Variants in NUP58 observed in about 807,000 individuals in gnomAD.
NUP58 encodes nucleoporin p58/p45.
In NUP58, 17 loss-of-function variants were observed where a neutral mutation model predicts 70.1. That is an observed-to-expected ratio of 0.24 (90% CI 0.17 to 0.36). NUP58 has a LOEUF of 0.36. Ranked by LOEUF, NUP58 falls within the 10% of genes least tolerant of loss-of-function variation. The probability of loss-of-function intolerance (pLI) is 1.00; values close to 1 mark genes in which losing one functional copy is unlikely to be tolerated. For synonymous variants in NUP58, 275 were observed against 257.6 expected (o/e 1.07, Z -0.65); for missense variants, 644 against 701.5 (o/e 0.92, Z 0.93).
chr13:25,323,667 T>C (rs919372128), intron 9 of NUP58, among the ~76,000 whole-genome samples: 1 of 152,196 alleles, frequency 6.6e-6, no homozygotes, highest in East Asian at 1.9e-4. Context: ...CAGATTCTTA[T>C]GGAAGACAAA....
In NUP58 at chr13:25,336,973, A is replaced by G. The variant is rs142503103; in HGVS notation, c.1473A>G (p.Pro491=). 3.1e-6 allele frequency: 5 copies of G among 1,605,980 alleles called. No homozygotes were observed. Among genetic ancestry groups the G allele is most frequent in the Non-Finnish European group, 4.2e-6 (5 of 1,177,980 alleles). Residue 491 remains proline (P), a synonymous_variant, in exon 14 of 16, where the codon CCA becomes CCG. Coordinates refer to ENST00000381736, the MANE Select transcript of NUP58 (RefSeq NM_014089.4). The part of the protein sequence containing the change: ...QPSLGVSFGT[P]FGSGIGTGLQ... ...CTCTGGGAGTTAGTTTTGGAACGCCATTCGGCTCAGGTATTGGCACTGGCT... is the reference window on the plus strand; with the variant it reads ...CTCTGGGAGTTAGTTTTGGAACGCCGTTCGGCTCAGGTATTGGCACTGGCT...
Position 25,340,235 on chromosome 13 carries a change from T to A in NUP58, c.*101T>A. 1 of 1,151,794 alleles carries A rather than the reference T, an allele frequency of 8.7e-7. No homozygotes were observed. Among genetic ancestry groups the A allele is most frequent in the Non-Finnish European group, 1.2e-6 (1 of 861,406 alleles). The allele number at this position is 1,151,794 out of a possible 1,614,324, so 71.3% of individuals were successfully genotyped here. A position where few individuals can be genotyped will look rare whatever the true frequency, so the allele number is the denominator to read the frequency against. ...ATTAAATTGCATCCCAGGAGATTTA[T>A]AAAGTTTTGATATTTTTCCCTACTC... On this transcript the variant is annotated 3_prime_UTR_variant, in exon 16 of 16. Coordinates refer to ENST00000381736, the MANE Select transcript of NUP58 (RefSeq NM_014089.4).
chr13:25,336,380 C>T (rs528739012), intron 13 of NUP58: 67 of 759,374 alleles, frequency 8.8e-5, no homozygotes, highest in Non-Finnish European at 1.2e-4. Flanking sequence ...TTGTATATAT[C>T]ATTTATATTT....
intron 4 of NUP58, among the ~76,000 whole-genome samples, 197 bp downstream of exon 4, chr13:25,313,229 A>G (rs927254313): frequency 6.6e-6 from 1 of 152,168 alleles, no homozygotes; most frequent in Non-Finnish European, 1.5e-5. Flanking sequence ...AGAGAGGTAA[A>G]ATGTAAAGCT....
At position 25,311,074 on chromosome 13, in the gene NUP58, G is replaced by T. The variant is rs530905362; in HGVS notation, c.286+1792G>T. 1.6e-4 allele frequency among the ~76,000 whole-genome samples: 24 copies of T among 152,306 alleles called. No individual in the cohort carries two copies. In the South Asian group the frequency reaches 5.0e-3, roughly 32 times the overall value. On this transcript the variant is annotated intron_variant, in intron 3 of 15. Coordinates refer to ENST00000381736, the MANE Select transcript of NUP58 (RefSeq NM_014089.4). The stretch of plus-strand genomic sequence containing the variant: ...AGAGGCACCATGAAAGGCAGAGGAA[G>T]AAAACAGTATGGTTTACTTTATGGG...
downstream of NUP58, among the ~76,000 whole-genome samples, chr13:25,343,327 A>G (rs546361341): frequency 6.6e-6 from 1 of 151,218 alleles, no homozygotes; most frequent in Admixed American, 6.6e-5. Flanking sequence ...ATTTATTTAA[A>G]TTTATTATTA....
At chr13:25,324,519 A>G (rs2031315299) in intron 9 of NUP58, among the ~76,000 whole-genome samples, 1 of 152,200 alleles carries the variant, frequency 6.6e-6, no homozygotes, top group Non-Finnish European at 1.5e-5. Context: ...CTATAAAAAG[A>G]GAAACATTCC....
At chr13:25,323,205 A>G (rs1286737762) in intron 9 of NUP58, among the ~76,000 whole-genome samples, 4 of 152,118 alleles carry the variant, frequency 2.6e-5, no homozygotes, top group African/African-American at 4.8e-5. Flanking sequence ...TTGGGAGTCA[A>G]AGTTTCCTTA....
At chr13:25,346,423 T>G (rs1332399639), downstream of NUP58, among the ~76,000 whole-genome samples, 1 of 152,056 alleles carries the variant, frequency 6.6e-6, no homozygotes, top group African/African-American at 2.4e-5. Context: ...TTTCTTAAGT[T>G]AAAGGGATAC....
chr13:25,316,482 TAAG>T (rs2030936752), intron 6 of NUP58, among the ~76,000 whole-genome samples: 2 of 152,088 alleles, frequency 1.3e-5, no homozygotes, highest in Admixed American at 1.3e-4. Flanking sequence ...GGTTTTATTA[TAAG>T]GAGATACTAT....
chr13:25,304,616 A>G (rs545757443), intron 1 of NUP58, among the ~76,000 whole-genome samples: 32 of 150,466 alleles, frequency 2.1e-4, no homozygotes, highest in African/African-American at 7.6e-4. Flanking sequence ...TTACGGGTTC[A>G]AGCAATTCTC....
At chr13:25,326,200 G>T (rs1236087897) in intron 10 of NUP58, among the ~76,000 whole-genome samples, 1 of 152,096 alleles carries the variant, frequency 6.6e-6, no homozygotes, top group Non-Finnish European at 1.5e-5. Flanking sequence ...TTCCTCACTG[G>T]ACTTCCTCTA....
At chr13:25,324,465 T>TA (rs993344811) in intron 9 of NUP58, among the ~76,000 whole-genome samples, 3 of 152,148 alleles carry the variant, frequency 2.0e-5, no homozygotes, top group Admixed American at 2.0e-4. Context: ...AGCAGCATGA[T>TA]ATTGGGCAAG....
chr13:25,315,444 T>C lies in NUP58; in HGVS notation c.662T>C (p.Phe221Ser), dbSNP rs776728164. 1.9e-6 allele frequency: 3 copies of C among 1,612,480 alleles called. No individual in the cohort carries two copies. The highest frequency in any genetic ancestry group is 1.7e-5 in the Admixed American group (1 of 59,940). ...AGNEGLGGID[F>S]SSSSDKKSDK... ...AATGAAGGCCTTGGTGGTATAGATT[T>C]CAGTAGCTCCTCAGATAAAAAGAGT... The change falls in exon 6 of 16, where the codon TTC becomes TCC. Residue 221 changes from phenylalanine (F) to serine (S), a missense_variant. Physicochemically the swap from Phe to Ser is radical, Grantham distance 155 (BLOSUM62 -2). Transcript: ENST00000381736.
chr13:25,327,415 A>C lies in NUP58; in HGVS notation c.1151-15A>C, dbSNP rs989932895. The C allele has an allele frequency of 6.5e-7, 1 of 1,536,712 alleles. No homozygotes were observed. The highest frequency in any genetic ancestry group is 1.4e-5 in the African/African-American group (1 of 73,050). ...TATGTATATATTTGGGTGATAATGT[A>C]ATTTTCTTTTATAGATTTGTCAATG... On this transcript the variant is annotated splice_polypyrimidine_tract_variant and intron_variant, in intron 11 of 15. Transcript: ENST00000381736.
downstream of NUP58, among the ~76,000 whole-genome samples, chr13:25,345,898 A>G (rs2032043741): frequency 6.6e-6 from 1 of 152,194 alleles, no homozygotes; most frequent in Admixed American, 6.5e-5. Context: ...CCATTCATTC[A>G]GTAGAATGTG....
At chr13:25,348,291 G>T (rs2032072615) in intron 3 of NUP58, among the ~76,000 whole-genome samples, 1 of 152,108 alleles carries the variant, frequency 6.6e-6, no homozygotes, top group Non-Finnish European at 1.5e-5. Context: ...CATTCAAATT[G>T]AAAATTCTTT....
At chr13:25,331,235 G>T in intron 12 of NUP58, 122 bp from the exon 13 acceptor site, 1 of 871,150 alleles carries the variant, frequency 1.1e-6, no homozygotes, top group Non-Finnish European at 1.8e-6. Context: ...ACTCTAATTT[G>T]CAGTTTGGAT....
At chr13:25,329,163 G>A (rs1400982077) in intron 12 of NUP58, among the ~76,000 whole-genome samples, 4 of 152,046 alleles carry the variant, frequency 2.6e-5, no homozygotes, top group East Asian at 1.9e-4. Context: ...TTTGAAGTCC[G>A]TTGCACAGAA....
Sources: allele counts gnomAD v4.1 joint callset (sites outside exome capture counted in the v4.1 genomes callset), GRCh38; gene constraint gnomAD v4.1.1; transcripts MANE v1.5; gene names NCBI Gene and HGNC (gene_info 2026-07-23, HGNC 2026-07-21).